KCNK10: variants seen among roughly 807,000 people sequenced by gnomAD.
KCNK10 encodes potassium channel subfamily K member 10.
KCNK10 carries 25 observed loss-of-function variants against 47.7 expected under a neutral mutation model. The ratio of observed to expected loss-of-function variants is 0.52; its 90% CI spans 0.38 to 0.73. The LOEUF (loss-of-function observed/expected upper bound fraction) is 0.73. KCNK10 is among the 30% of genes least tolerant of loss of function. The pLI is 0.00. For synonymous variants in KCNK10, 303 were observed against 285.6 expected (o/e 1.06, Z -0.61); for missense variants, 563 against 714.5 (o/e 0.79, Z 2.42).
intron 4 of KCNK10, among the ~76,000 whole-genome samples, chr14:88,196,671 G>T (rs145477490): frequency 6.6e-6 from 1 of 152,088 alleles, no homozygotes; most frequent in Non-Finnish European, 1.5e-5. Context: ...AAGACACTGC[G>T]GTAAAAATCC....
At chr14:88,190,828 A>G (rs1263344319) in intron 5 of KCNK10, among the ~76,000 whole-genome samples, 2 of 152,104 alleles carry the variant, frequency 1.3e-5, no homozygotes, top group African/African-American at 2.4e-5. Context: ...GCCCCTATTG[A>G]TGAGCCTTCA....
chr14:88,199,220 C>T (rs541814749), intron 4 of KCNK10, among the ~76,000 whole-genome samples: 4 of 152,020 alleles, frequency 2.6e-5, no homozygotes, highest in Admixed American at 6.6e-5. Flanking sequence ...GTGCCCGGCC[C>T]ATGATTTTTT....
chr14:88,191,340 AACAC>A (rs56194944), intron 5 of KCNK10, among the ~76,000 whole-genome samples: 11 of 150,066 alleles, frequency 7.3e-5, no homozygotes, highest in South Asian at 4.3e-4. Flanking sequence ...TGGTAAAGGA[AACAC>A]ACACACACAC....
At chr14:88,216,392 C>T (rs1217420825) in intron 4 of KCNK10, among the ~76,000 whole-genome samples, 1 of 152,096 alleles carries the variant, frequency 6.6e-6, no homozygotes, top group South Asian at 2.1e-4. Flanking sequence ...CCTGAGGACA[C>T]ATTTAGTAAT....
chr14:88,326,677 C>A (rs1888670424), upstream of KCNK10: 2 of 569,778 alleles, frequency 3.5e-6, no homozygotes, highest in Admixed American at 6.6e-5. Flanking sequence ...GGTGGCAAAG[C>A]GCTGCTACCG....
intron 4 of KCNK10, among the ~76,000 whole-genome samples, chr14:88,200,681 T>G (rs1470300567): frequency 6.6e-6 from 1 of 152,242 alleles, no homozygotes; most frequent in Non-Finnish European, 1.5e-5. Context: ...AAGCTATGAA[T>G]ATAGCTGAAC....
chr14:88,246,659 T>C (rs1384004861), intron 2 of KCNK10, among the ~76,000 whole-genome samples: 2 of 152,150 alleles, frequency 1.3e-5, no homozygotes, highest in Non-Finnish European at 2.9e-5. Flanking sequence ...TGAGGCACTT[T>C]TGTGGCTGAT....
chr14:88,211,312 T>C (rs998563399), intron 4 of KCNK10, among the ~76,000 whole-genome samples: 1 of 152,174 alleles, frequency 6.6e-6, no homozygotes, highest in Admixed American at 6.5e-5. Flanking sequence ...GTGAAATTCA[T>C]AGACACAGAA....
Position 88,322,933 on chromosome 14 carries a change from G to A in KCNK10, c.-135C>T, listed in dbSNP as rs1011135851. ...GGGGAGCCTTGGACTGGCTCGTGGA[G>A]GAACCCCAGAAAAAGACAGGTGGGA... is the stretch of plus-strand genomic sequence containing the variant. On this transcript the variant is annotated 5_prime_UTR_variant, in exon 1 of 7. Coordinates refer to ENST00000319231, the MANE Select transcript of KCNK10 (RefSeq NM_138317.3). The surrounding 1 kb of genome is among the most constrained non-coding windows in gnomAD (Gnocchi z 4.8). 6.6e-7 allele frequency: 1 copy of A among 1,514,466 alleles called. No individual in the cohort carries two copies. The highest frequency in any genetic ancestry group is 1.4e-5 in the African/African-American group (1 of 72,004). 93.8% of individuals were successfully genotyped at this position (1,514,466 alleles called of 1,614,324 possible).
chr14:88,254,673 A>C (rs972476544), intron 2 of KCNK10, among the ~76,000 whole-genome samples: 3 of 152,176 alleles, frequency 2.0e-5, no homozygotes, highest in African/African-American at 7.2e-5. Context: ...AGCTTCTAAG[A>C]CAATTGCACT....
chr14:88,192,785 G>A (rs1199761608), intron 4 of KCNK10, among the ~76,000 whole-genome samples: 1 of 152,156 alleles, frequency 6.6e-6, no homozygotes, highest in Non-Finnish European at 1.5e-5. Context: ...TTGTCATGTA[G>A]TATTACTGAT....
At chr14:88,294,894 C>A (rs1887954613) in intron 1 of KCNK10, among the ~76,000 whole-genome samples, 1 of 152,174 alleles carries the variant, frequency 6.6e-6, no homozygotes, top group Non-Finnish European at 1.5e-5. Flanking sequence ...TCAACTATGA[C>A]CCTGTATAGG....
intron 2 of KCNK10, among the ~76,000 whole-genome samples, chr14:88,246,660 T>A (rs1421491694): frequency 6.6e-6 from 1 of 152,200 alleles, no homozygotes; most frequent in African/African-American, 2.4e-5. Flanking sequence ...GAGGCACTTT[T>A]GTGGCTGATT....
intron 3 of KCNK10, among the ~76,000 whole-genome samples, chr14:88,238,317 G>T (rs1259558267): frequency 6.6e-6 from 1 of 152,126 alleles, no homozygotes; most frequent in African/African-American, 2.4e-5. Flanking sequence ...CAATAAGGCT[G>T]GTTCACTTTC....
At chr14:88,308,934 A>G (rs1595132416) in intron 1 of KCNK10, among the ~76,000 whole-genome samples, 1 of 152,164 alleles carries the variant, frequency 6.6e-6, no homozygotes, top group African/African-American at 2.4e-5. Context: ...CATCCTTATT[A>G]ATGTATTTTT....
At chr14:88,305,223 GAAGAAA>G (rs1888182533) in intron 1 of KCNK10, among the ~76,000 whole-genome samples, 1 of 151,742 alleles carries the variant, frequency 6.6e-6, no homozygotes, top group South Asian at 2.1e-4. Context: ...AGAAGAAGAA[GAAGAAA>G]ATGTTGTGAC....
At chr14:88,294,332 G>T (rs1216824253) in intron 1 of KCNK10, among the ~76,000 whole-genome samples, 1 of 152,274 alleles carries the variant, frequency 6.6e-6, no homozygotes, top group Admixed American at 6.5e-5. Context: ...GAAGACAGAG[G>T]AGGGTCTGCA....
intron 1 of KCNK10, among the ~76,000 whole-genome samples, chr14:88,320,763 T>A (rs1888530164): frequency 6.6e-6 from 1 of 152,110 alleles, no homozygotes. Context: ...GTCCCCTACA[T>A]CCACAAGAGC....
At chr14:88,274,046 C>A (rs951481752) in intron 1 of KCNK10, among the ~76,000 whole-genome samples, 10 of 122,218 alleles carry the variant, frequency 8.2e-5, no homozygotes, top group East Asian at 3.1e-4. Flanking sequence ...GGTCTCCCCC[C>A]ACCCCCCACC....
Sources: allele counts gnomAD v4.1 joint callset (sites outside exome capture counted in the v4.1 genomes callset), GRCh38; gene constraint gnomAD v4.1.1; non-coding constraint Gnocchi (gnomAD v3.1); transcripts MANE v1.5; gene names NCBI Gene and HGNC (gene_info 2026-07-23, HGNC 2026-07-21).